The following HNRNPH1 variants were observed in gnomAD, a reference collection of about 807,000 sequenced individuals.
The protein encoded by HNRNPH1 is heterogeneous nuclear ribonucleoprotein H.
In HNRNPH1, 4 loss-of-function variants were observed where a neutral mutation model predicts 58.6. The observed-to-expected ratio is 0.07, with a 90% CI of 0.03 to 0.16. HNRNPH1 has a LOEUF of 0.16. Among genes scored for constraint, HNRNPH1 ranks in the 10% least tolerant of loss-of-function variants. HNRNPH1 has a pLI of 1.00. For missense variants in HNRNPH1, 271 were observed against 564.2 expected, an observed-to-expected ratio of 0.48 and a Z score of 5.26; for synonymous variants, 192 against 189.2, an observed-to-expected ratio of 1.01 and a Z score of -0.12.
Position 179,619,252 on chromosome 5 carries a change from C to T in HNRNPH1, c.536+17G>A, listed in dbSNP as rs751917153. The T allele has an allele frequency of 6.3e-7, 1 of 1,588,322 alleles. No individual in the cohort carries two copies. Among genetic ancestry groups the T allele is most frequent in the Admixed American group, 1.8e-5 (1 of 56,832 alleles). On this transcript the variant is annotated intron_variant, in intron 4 of 12. Transcript: ENST00000356731. ...CCATAAGAAAAGTGACATATCCAACCAACCATCCATCCCCACCTGTGCCCT... is the reference window on the plus strand; with the variant it reads ...CCATAAGAAAAGTGACATATCCAACTAACCATCCATCCCCACCTGTGCCCT...
intron 2 of HNRNPH1, among the ~76,000 whole-genome samples, chr5:179,633,461 A>ATTTTTTTTTTT (rs762139490): frequency 2.0e-3 from 208 of 102,562 alleles, no homozygotes; most frequent in Middle Eastern, 7.9e-3. Flanking sequence ...CACCCGGCTA[A>ATTTTTTTTTTT]TTTTTTTTTT....
chr5:179,625,322 C>T (rs1354216707), upstream of HNRNPH1, among the ~76,000 whole-genome samples: 2 of 143,216 alleles, frequency 1.4e-5, no homozygotes. Flanking sequence ...ATGGTGAAAC[C>T]CCATCTCTAC....
chr5:179,630,686 C>T (rs1774757630), intron 2 of HNRNPH1, among the ~76,000 whole-genome samples: 1 of 151,970 alleles, frequency 6.6e-6, no homozygotes, highest in African/African-American at 2.4e-5. Context: ...CCGAGGTGGG[C>T]GGATCACAAG....
rs943088320 is a variant in HNRNPH1, at chr5:179,631,709, T to A, written c.-32+2356A>T. 2.2e-4 allele frequency among the ~76,000 whole-genome samples: 34 copies of A among 152,008 alleles called. 1 individual carries two copies. Among genetic ancestry groups the A allele is most frequent in the Middle Eastern group, 3.2e-3 (1 of 316 alleles). Reference sequence around the variant, plus strand: ...TTGCGATGAGCTGAGTTCGCGCCACTGTACTCCAGCCTGGGCAACAAGAGC... The same window carrying A: ...TTGCGATGAGCTGAGTTCGCGCCACAGTACTCCAGCCTGGGCAACAAGAGC... On this transcript the variant is annotated intron_variant, in intron 2 of 4. Transcript: ENST00000521116.
At chr5:179,618,352 G>A (rs751946824) in intron 4 of HNRNPH1, 29 bp from the exon 6 acceptor site, 3 of 1,515,538 alleles carry the variant, frequency 2.0e-6, no homozygotes, top group South Asian at 2.4e-5. Context: ...GGAAGGGGTA[G>A]GGAGGGGAGA....
chr5:179,614,626 CAG>C, exon 13 of HNRNPH1: 1 of 384,484 alleles, frequency 2.6e-6, no homozygotes. Context: ...TTAAGTTTAA[CAG>C]TTATAGTTTA....
exon 4 of HNRNPH1, chr5:179,619,346 C>T: frequency 6.2e-7 from 1 of 1,613,368 alleles, no homozygotes; most frequent in African/African-American, 1.3e-5. Flanking sequence ...CGAAGGCCTC[C>T]CCCGTACTCC....
Position 179,620,878 on chromosome 5 carries a change from A to C in HNRNPH1, c.397+14T>G. 1 of 1,613,112 alleles carries C rather than the reference A, an allele frequency of 6.2e-7. No homozygotes were observed. The highest frequency in any genetic ancestry group is 8.5e-7 in the Non-Finnish European group (1 of 1,179,440). On this transcript the variant is annotated intron_variant, in intron 3 of 12. Coordinates refer to ENST00000356731, the Ensembl canonical transcript of HNRNPH1. The stretch of plus-strand genomic sequence containing the variant: ...GCCAAAACTCACTGCTCAGCAACAA[A>C]CATGACTACATACCTGAGAAGAACT...
upstream of HNRNPH1, among the ~76,000 whole-genome samples, chr5:179,625,951 A>ATTTTTTTTTTTT (rs1381471661): frequency 4.0e-5 from 6 of 149,788 alleles, no homozygotes; most frequent in African/African-American, 1.2e-4. Context: ...TTATTTATTT[A>ATTTTTTTTTTTT]TTTATTTATT....
At chr5:179,631,570 A>AC (rs1487160993) in intron 2 of HNRNPH1, among the ~76,000 whole-genome samples, 1 of 151,628 alleles carries the variant, frequency 6.6e-6, no homozygotes, top group Non-Finnish European at 1.5e-5. Context: ...ACATGGTGAA[A>AC]CCCCGCCTCT....
intron 10 of HNRNPH1, 63 bp from the exon 12 acceptor site, chr5:179,616,281 G>T: frequency 8.0e-7 from 1 of 1,246,664 alleles, no homozygotes; most frequent in South Asian, 1.2e-5. Flanking sequence ...GGTGGTACCG[G>T]GCTTGTAATT....
At chr5:179,616,650 C>T in intron 10 of HNRNPH1, 1 of 571,768 alleles carries the variant, frequency 1.7e-6, no homozygotes, top group South Asian at 2.4e-5. Context: ...CCGTAGTCCC[C>T]TCCCCCAAGA....
intron 10 of HNRNPH1, 186 bp downstream of exon 11, chr5:179,616,683 A>G (rs1769885453): frequency 4.9e-6 from 3 of 610,532 alleles, no homozygotes; most frequent in South Asian, 4.4e-5. Flanking sequence ...AATTTGAATT[A>G]TCTATCCTAA....
chr5:179,621,333 A>C, exon 2 of HNRNPH1: 1 of 1,614,024 alleles, frequency 6.2e-7, no homozygotes, highest in Non-Finnish European at 8.5e-7. Context: ...AAGCCTCGCC[A>C]CTTGGTCTGC....
At chr5:179,624,884 C>T (rs1774210504), upstream of HNRNPH1, among the ~76,000 whole-genome samples, 1 of 152,096 alleles carries the variant, frequency 6.6e-6, no homozygotes, top group Non-Finnish European at 1.5e-5. Context: ...CCACAGAGTC[C>T]GAATCCAGTT....
At chr5:179,625,548 C>T (rs566833482), upstream of HNRNPH1, among the ~76,000 whole-genome samples, 185 of 148,322 alleles carry the variant, frequency 1.2e-3, no homozygotes, top group Non-Finnish European at 2.0e-3. Context: ...ATCCCAACCA[C>T]TTGGCAAGAC....
At chr5:179,622,946 C>CG (rs1773381917) in intron 1 of HNRNPH1, 91 bp downstream of exon 2, 3 of 83,726 alleles carry the variant, frequency 3.6e-5, no homozygotes, top group African/African-American at 1.0e-4. Flanking sequence ...CGGCCCGGCC[C>CG]GCCCCGCCCC....
chr5:179,615,095 G>C, intron 12 of HNRNPH1, 136 bp from the exon 14 acceptor site: 1 of 640,982 alleles, frequency 1.6e-6, no homozygotes, highest in Non-Finnish European at 2.8e-6. Flanking sequence ...GCATGTTTGG[G>C]AAAGGGGAAT....
chr5:179,618,045 T>G, exon 6 of HNRNPH1: 1 of 1,614,122 alleles, frequency 6.2e-7, no homozygotes, highest in South Asian at 1.1e-5. Flanking sequence ...ATTGTAATCA[T>G]CATAGCCTCC....
Sources: gnomAD v4.1 joint callset for allele counts (sites outside exome capture counted in the v4.1 genomes callset) on GRCh38, gnomAD v4.1.1 for gene constraint, MANE v1.5 for transcripts, NCBI Gene and HGNC (gene_info 2026-07-23, HGNC 2026-07-21) for gene names.